The following TP73 variants were observed in gnomAD, a reference collection of about 807,000 sequenced individuals.
TP73 encodes tumor protein p73.
Under a neutral mutation model 62.5 loss-of-function variants are expected in TP73, and 25 were observed. That is an observed-to-expected ratio of 0.40 (90% CI 0.29 to 0.56). TP73 has a LOEUF of 0.56. Ranked by LOEUF, TP73 falls within the 20% of genes least tolerant of loss-of-function variation. TP73 has a pLI of 0.46. For synonymous variants in TP73, 423 were observed against 377.5 expected (o/e 1.12, Z -1.40); for missense variants, 754 against 913.3 (o/e 0.83, Z 2.25).
Position 3,683,096 on chromosome 1 carries a change from A to C in TP73, c.102A>C (p.Ser34=). Reference sequence around the variant, plus strand: ...GCACCTACTTCGACCTTCCCCAGTCAAGCCGGGGGAATAATGAGGTGGTGG... The same window carrying C: ...GCACCTACTTCGACCTTCCCCAGTCCAGCCGGGGGAATAATGAGGTGGTGG... ...PDSTYFDLPQ[S]SRGNNEVVGG... Residue 34 remains serine (S), a synonymous_variant, in exon 3 of 14, where the codon TCA becomes TCC. Coordinates refer to ENST00000378295, the MANE Select transcript of TP73 (RefSeq NM_005427.4). The C allele has an allele frequency of 6.2e-7, 1 of 1,611,834 alleles. No individual in the cohort carries two copies. The highest frequency in any genetic ancestry group is 1.1e-5 in the South Asian group (1 of 91,004).
intron 4 of TP73, among the ~76,000 whole-genome samples, chr1:3,710,578 A>G (rs146128597): frequency 4.9e-4 from 74 of 152,334 alleles, no homozygotes; most frequent in African/African-American, 1.7e-3. Flanking sequence ...TTTCTCAAGT[A>G]CAAGTCCACA....
chr1:3,733,015 T>TGCCC lies in TP73; in HGVS notation c.1849_1852dup (p.Asp618AlafsTer98). 6.4e-7 allele frequency: 1 copy of TGCCC among 1,559,332 alleles called. No homozygotes were observed. Among genetic ancestry groups the TGCCC allele is most frequent in the Non-Finnish European group, 8.6e-7 (1 of 1,156,762 alleles). ...GAGTGGGCGGACTTCGGCTTCGACC[T>TGCCC]GCCCGACTGCAAGGCCCGCAAGCAG... is the stretch of plus-strand genomic sequence containing the variant. On this transcript the variant is annotated frameshift_variant, in exon 14 of 14. Coordinates refer to ENST00000378295, the MANE Select transcript of TP73 (RefSeq NM_005427.4). LOFTEE classifies it high-confidence loss of function.
At chr1:3,664,816 C>A (rs1053704868) in intron 1 of TP73, among the ~76,000 whole-genome samples, 1 of 152,136 alleles carries the variant, frequency 6.6e-6, no homozygotes, top group Non-Finnish European at 1.5e-5. Flanking sequence ...TTACCAGATG[C>A]GGTCAGGCTA....
Position 3,722,094 on chromosome 1 carries a change from C to G in TP73, c.503C>G (p.Pro168Arg), listed in dbSNP as rs765888000. ...TCPIQIKVST[P>R]PPPGTAIRAM... is the part of the protein sequence containing the mutation. ...CCCATCCAGATCAAGGTGTCCACCC[C>G]GCCACCCCCAGGCACCGCCATCCGG... Residue 168 changes from proline (P) to arginine (R), a missense_variant, in exon 5 of 14, where the codon CCG becomes CGG. Transcript: ENST00000378295. 2.5e-6 allele frequency: 4 copies of G among 1,612,982 alleles called. No homozygotes were observed. In the Admixed American group the frequency reaches 6.7e-5, roughly 27 times the overall value.
At chr1:3,723,268 CGGCACAG>C (rs1278009889) in intron 5 of TP73, 79 bp from the exon 6 acceptor site, 6 of 1,060,726 alleles carry the variant, frequency 5.7e-6, no homozygotes, top group Non-Finnish European at 8.2e-6. Flanking sequence ...CCTTTGAACC[CGGCACAG>C]GGCTGGGCAC....
chr1:3,723,116 C>A (rs1377536273), intron 5 of TP73, among the ~76,000 whole-genome samples: 1 of 149,696 alleles, frequency 6.7e-6, no homozygotes, highest in African/African-American at 2.5e-5. Context: ...GGGTGGGCAC[C>A]TTTGCAGGTG....
At chr1:3,713,102 ACCTTGGCCCCCATGAG>A (rs1162128232) in intron 4 of TP73, among the ~76,000 whole-genome samples, 1 of 152,182 alleles carries the variant, frequency 6.6e-6, no homozygotes, top group African/African-American at 2.4e-5. Context: ...CCCAGGCTGT[ACCTTGGCCCCCATGAG>A]CCTTCCACTG....
At chr1:3,720,930 G>T (rs1024524757) in intron 4 of TP73, among the ~76,000 whole-genome samples, 1 of 152,252 alleles carries the variant, frequency 6.6e-6, no homozygotes, top group Non-Finnish European at 1.5e-5. Flanking sequence ...CAGGGCACTT[G>T]CGGCTGCAGT....
rs1489149513 is a variant in TP73, at chr1:3,662,504, G to A, written c.-34+9863G>A. ...AGGTGGTTTCGTCACGCGGACATGCGTCTCTCAGGCGATCAGAGTTACCTG... is the reference window on the plus strand; with the variant it reads ...AGGTGGTTTCGTCACGCGGACATGCATCTCTCAGGCGATCAGAGTTACCTG... On this transcript the variant is annotated intron_variant, in intron 1 of 13. Coordinates refer to ENST00000378295, the MANE Select transcript of TP73 (RefSeq NM_005427.4). The surrounding 1 kb of genome is among the most constrained non-coding windows in gnomAD (Gnocchi z 4.4). Among the ~76,000 whole-genome samples, 2 of 152,184 alleles carry A rather than the reference G, an allele frequency of 1.3e-5. No individual in the cohort carries two copies. Among genetic ancestry groups the A allele is most frequent in the East Asian group, 3.9e-4 (2 of 5,192 alleles).
intron 1 of TP73, among the ~76,000 whole-genome samples, chr1:3,657,653 G>T (rs1293047705): frequency 1.3e-5 from 2 of 152,212 alleles, no homozygotes; most frequent in East Asian, 1.9e-4. Context: ...TGCCAGAGGG[G>T]CCATGGCGCA....
chr1:3,716,627 G>A (rs1346483398), intron 4 of TP73, among the ~76,000 whole-genome samples: 6 of 152,208 alleles, frequency 3.9e-5, no homozygotes, highest in Non-Finnish European at 7.3e-5. Context: ...CTCTGAGGGC[G>A]ACAGTGACTG....
At chr1:3,727,944 G>C (rs543459141) in intron 8 of TP73, among the ~76,000 whole-genome samples, 174 bp downstream of exon 8, 1 of 152,126 alleles carries the variant, frequency 6.6e-6, no homozygotes, top group African/African-American at 2.4e-5. Context: ...GCTTGTCCTG[G>C]GCCAAGGGCA....
chr1:3,683,104 G>A lies in TP73; in HGVS notation c.110G>A (p.Gly37Glu), dbSNP rs2102092833. The A allele has an allele frequency of 1.9e-6, 3 of 1,612,452 alleles. No homozygotes were observed. Among genetic ancestry groups the A allele is most frequent in the Non-Finnish European group, 2.5e-6 (3 of 1,178,852 alleles). Residue 37 changes from glycine to glutamate, a missense_variant, in exon 3 of 14, where the codon GGG becomes GAG. By Grantham distance (98) the Gly-to-Glu change is moderately conservative. Around this residue, in one of 3 missense-constraint regions of TP73, gnomAD observed 235 missense variants for 251.4 expected, o/e 0.93. Transcript: ENST00000378295. ...TTCGACCTTCCCCAGTCAAGCCGGGGGAATAATGAGGTGGTGGGCGGAACG... is the reference window on the plus strand; with the variant it reads ...TTCGACCTTCCCCAGTCAAGCCGGGAGAATAATGAGGTGGTGGGCGGAACG... ...TYFDLPQSSR[G>E]NNEVVGGTDS...
At chr1:3,724,882 C>T (rs992616389) in intron 6 of TP73, among the ~76,000 whole-genome samples, 2 of 152,174 alleles carry the variant, frequency 1.3e-5, no homozygotes, top group African/African-American at 2.4e-5. Flanking sequence ...AGCCGAGCCT[C>T]GTGGCGCATG....
chr1:3,686,109 T>A lies in TP73; in HGVS notation c.186+2929T>A, dbSNP rs1645649517. On this transcript the variant is annotated intron_variant, in intron 3 of 13. Transcript: ENST00000378295. ...CTCCCTCTGGCCACCTGTCCCTGGGTGTTGGTGGCATCTGGCTGCTCCCAT... is the reference window on the plus strand; with the variant it reads ...CTCCCTCTGGCCACCTGTCCCTGGGAGTTGGTGGCATCTGGCTGCTCCCAT... 2.0e-5 allele frequency among the ~76,000 whole-genome samples: 3 copies of A among 152,064 alleles called. No homozygotes were observed. In the South Asian group the frequency reaches 6.2e-4, roughly 32 times the overall value.
chr1:3,669,090 G>A (rs550217980), intron 1 of TP73, among the ~76,000 whole-genome samples: 9 of 152,368 alleles, frequency 5.9e-5, no homozygotes, highest in Admixed American at 3.3e-4. Flanking sequence ...GCCACCGCCC[G>A]CCTGCGGGAG....
chr1:3,670,876 G>A lies in TP73; in HGVS notation c.-33-11457G>A, dbSNP rs554837543. 3.5e-4 allele frequency among the ~76,000 whole-genome samples: 53 copies of A among 152,320 alleles called. No homozygotes were observed. The highest frequency in any genetic ancestry group is 3.4e-3 in the Middle Eastern group (1 of 294). ...ACGGAGCACCTACTGTGTGCCAGGC[G>A]GGTGCTGGGGCTGCAGCGCAGAGAG... On this transcript the variant is annotated intron_variant, in intron 1 of 13. Transcript: ENST00000378295. The surrounding 1 kb of genome is among the most constrained non-coding windows in gnomAD (Gnocchi z 5.9).
rs1487561575 is a variant in TP73 at position 3,699,393 on chromosome 1, A to G, written c.187-8156A>G. Among the ~76,000 whole-genome samples, 1 of 152,148 alleles carries G rather than the reference A, an allele frequency of 6.6e-6. No homozygotes were observed. Among genetic ancestry groups the G allele is most frequent in the Non-Finnish European group, 1.5e-5 (1 of 68,032 alleles). ...CAAAAAACCACAACAGTCTGGTCTC[A>G]ATATTCTCCAGGGAACGAGGACACG... is the stretch of plus-strand genomic sequence containing the variant. On this transcript the variant is annotated intron_variant, in intron 3 of 13. Transcript: ENST00000378295. The surrounding 1 kb of genome is among the most constrained non-coding windows in gnomAD (Gnocchi z 4.1).
At chr1:3,722,894 C>T (rs1641199303) in intron 5 of TP73, among the ~76,000 whole-genome samples, 1 of 147,906 alleles carries the variant, frequency 6.8e-6, no homozygotes, top group South Asian at 2.2e-4. Context: ...GGGTGGGCAC[C>T]TCTGCACCTA....
Sources: allele counts gnomAD v4.1 joint callset (sites outside exome capture counted in the v4.1 genomes callset), GRCh38; gene constraint gnomAD v4.1.1; regional missense constraint gnomAD v4.1.1; non-coding constraint Gnocchi (gnomAD v3.1); transcripts MANE v1.5; gene names NCBI Gene and HGNC (gene_info 2026-07-23, HGNC 2026-07-21).